Variants in FAT3 observed in about 807,000 individuals in gnomAD.
FAT3 encodes the protein FAT atypical cadherin 3.
Under a neutral mutation model 310.2 loss-of-function variants are expected in FAT3, and 95 were observed. The ratio of observed to expected loss-of-function variants is 0.31; its 90% CI spans 0.26 to 0.36. The LOEUF (loss-of-function observed/expected upper bound fraction) is 0.36, where lower values mean the gene tolerates loss of function less well. FAT3 is among the 10% of genes least tolerant of loss of function. FAT3 has a pLI of 1.00. For missense variants in FAT3, 5,408 were observed against 5,715.6 expected (o/e 0.95, Z 1.74); for synonymous variants, 2,314 against 2,192.9 (o/e 1.06, Z -1.54).
intron 21 of FAT3, among the ~76,000 whole-genome samples, chr11:92,861,869 A>G (rs1467427001): frequency 6.6e-6 from 1 of 152,240 alleles, no homozygotes; most frequent in African/African-American, 2.4e-5. Context: ...ATATTTTCCC[A>G]GTCAGAGCAC....
At chr11:92,879,552 A>C (rs1487962828) in intron 22 of FAT3, among the ~76,000 whole-genome samples, 1 of 152,242 alleles carries the variant, frequency 6.6e-6, no homozygotes, top group Non-Finnish European at 1.5e-5. Context: ...CCAGTTATGC[A>C]TGAATATAAA....
At position 92,800,796 on chromosome 11, in the gene FAT3, G is replaced by C. The variant is rs1377448576; in HGVS notation, c.7783G>C (p.Asp2595His). The C allele has an allele frequency of 6.2e-7, 1 of 1,613,756 alleles. No homozygotes were observed. The highest frequency in any genetic ancestry group is 8.5e-7 in the Non-Finnish European group (1 of 1,179,860). The change falls in exon 10 of 28, where the codon GAC becomes CAC. Residue 2595 changes from aspartate to histidine, a missense_variant. By Grantham distance (81) the Asp-to-His change is moderately conservative (BLOSUM62 -1). Around this residue, in one of 5 missense-constraint regions of FAT3, gnomAD observed 4,588 missense variants for 4,809.8 expected, o/e 0.95. Coordinates refer to ENST00000525166, the MANE Select transcript of FAT3 (RefSeq NM_001367949.2). The part of the protein sequence containing the change: ...TVRVIVVDEN[D>H]NAPQFMTVEY... Reference sequence around the variant, plus strand: ...GAGAGTGATTGTTGTGGATGAAAATGACAATGCTCCCCAGTTCATGACAGT... The same window carrying C: ...GAGAGTGATTGTTGTGGATGAAAATCACAATGCTCCCCAGTTCATGACAGT...
At chr11:92,430,516 T>A (rs1400865566) in intron 2 of FAT3, among the ~76,000 whole-genome samples, 1 of 152,142 alleles carries the variant, frequency 6.6e-6, no homozygotes, top group Admixed American at 6.6e-5. Flanking sequence ...ATGGGGTTTT[T>A]TTTTAATATA....
At chr11:92,648,910 G>T (rs2135751042) in intron 3 of FAT3, among the ~76,000 whole-genome samples, 1 of 152,236 alleles carries the variant, frequency 6.6e-6, no homozygotes, top group East Asian at 1.9e-4. Context: ...AGTATCTCTG[G>T]ATTACTTCCT....
At chr11:92,364,488 C>T (rs11019925) in intron 2 of FAT3, among the ~76,000 whole-genome samples, 11,787 of 152,068 alleles carry the variant, frequency 0.078, 645 homozygotes, top group African/African-American at 0.15. Flanking sequence ...GTTTTGTACG[C>T]GCATTGAAAG....
chr11:92,580,020 A>C (rs1188312646), intron 3 of FAT3, among the ~76,000 whole-genome samples: 1 of 152,148 alleles, frequency 6.6e-6, no homozygotes, highest in Admixed American at 6.6e-5. Context: ...TTCAGGGTAC[A>C]TTATATGCTC....
At chr11:92,418,841 A>G (rs1232308547) in intron 2 of FAT3, among the ~76,000 whole-genome samples, 1 of 152,132 alleles carries the variant, frequency 6.6e-6, no homozygotes, top group African/African-American at 2.4e-5. Flanking sequence ...TGCTGTTGGT[A>G]AATAACAAAG....
chr11:92,614,326 C>G (rs1940703374), intron 3 of FAT3, among the ~76,000 whole-genome samples: 1 of 152,194 alleles, frequency 6.6e-6, no homozygotes, highest in East Asian at 1.9e-4. Flanking sequence ...AACTGCCAGA[C>G]TATTTTGCAA....
chr11:92,240,619 A>G (rs1864637311), intron 1 of FAT3, among the ~76,000 whole-genome samples: 1 of 151,494 alleles, frequency 6.6e-6, no homozygotes, highest in Admixed American at 6.6e-5. Flanking sequence ...ACTGTAATTG[A>G]AGGTTTTTGC....
chr11:92,666,803 C>A (rs1330356747), intron 3 of FAT3, among the ~76,000 whole-genome samples: 1 of 152,044 alleles, frequency 6.6e-6, no homozygotes, highest in Admixed American at 6.6e-5. Context: ...GCCATATTGC[C>A]GCAAGACAGT....
At chr11:92,804,751 C>A (rs1482013429) in intron 10 of FAT3, among the ~76,000 whole-genome samples, 1 of 152,162 alleles carries the variant, frequency 6.6e-6, no homozygotes, top group East Asian at 1.9e-4. Context: ...ACTGCATAAT[C>A]AACGGCTAAT....
chr11:92,372,636 T>G (rs907330625), intron 2 of FAT3, among the ~76,000 whole-genome samples: 9 of 150,708 alleles, frequency 6.0e-5, no homozygotes, highest in African/African-American at 2.2e-4. Flanking sequence ...AGCAGCACTT[T>G]GCGTTCTTTG....
intron 22 of FAT3, among the ~76,000 whole-genome samples, chr11:92,872,716 G>A (rs1371316677): frequency 6.6e-6 from 1 of 152,112 alleles, no homozygotes; most frequent in Admixed American, 6.5e-5. Flanking sequence ...TAGAGGCTTG[G>A]CCCAATATAC....
chr11:92,226,713 G>A (rs1403186149), intron 1 of FAT3, among the ~76,000 whole-genome samples: 3 of 152,074 alleles, frequency 2.0e-5, no homozygotes, highest in African/African-American at 4.8e-5. Flanking sequence ...GTGGGCGGCC[G>A]GTGGCTCTGG....
rs149837567 is a variant in FAT3, at chr11:92,763,475, C to T, written c.3984+1305C>T. Among the ~76,000 whole-genome samples the T allele has an allele frequency of 5.3e-5, 8 of 152,200 alleles. No individual in the cohort carries two copies. In the East Asian group the frequency reaches 1.6e-3, roughly 30 times the overall value. The stretch of plus-strand genomic sequence containing the variant: ...CAAGTGGATACTGTTGGTGTCCTGC[C>T]CCAATCCCATTCTCAGACTGCAAGT... On this transcript the variant is annotated intron_variant, in intron 5 of 27. Coordinates refer to ENST00000525166, the MANE Select transcript of FAT3 (RefSeq NM_001367949.2).
intron 2 of FAT3, among the ~76,000 whole-genome samples, chr11:92,426,973 G>T (rs1295431028): frequency 6.6e-6 from 1 of 152,138 alleles, no homozygotes; most frequent in East Asian, 1.9e-4. Flanking sequence ...GGGTAGTATG[G>T]CCATTTTCAC....
At chr11:92,594,036 A>T (rs1481760646) in intron 3 of FAT3, among the ~76,000 whole-genome samples, 1 of 152,124 alleles carries the variant, frequency 6.6e-6, no homozygotes, top group East Asian at 1.9e-4. Flanking sequence ...GTAAACAGGG[A>T]CATGTGTCAT....
chr11:92,882,968 T>A lies in FAT3; in HGVS notation c.12512T>A (p.Leu4171His), dbSNP rs756982143. ...TTCGTCATCTTCATCCTGGTGGTTC[T>A]CTTCATAGTCTTCCGCAAGAAGGTC... The part of the protein sequence containing the change: ...VLFVIFILVV[L>H]FIVFRKKVFR... Residue 4171 changes from leucine to histidine, a missense_variant, in exon 24 of 28, where the codon CTC (leucine) becomes CAC (histidine). Physicochemically the swap from Leu to His is moderately conservative, Grantham distance 99. Coordinates refer to ENST00000525166, the MANE Select transcript of FAT3 (RefSeq NM_001367949.2). 2 of 1,613,908 alleles carry A rather than the reference T, an allele frequency of 1.2e-6. No homozygotes were observed. Among genetic ancestry groups the A allele is most frequent in the Non-Finnish European group, 1.7e-6 (2 of 1,179,858 alleles).
At chr11:92,789,245 G>A (rs1344487562) in intron 7 of FAT3, among the ~76,000 whole-genome samples, 1 of 152,154 alleles carries the variant, frequency 6.6e-6, no homozygotes, top group Non-Finnish European at 1.5e-5. Flanking sequence ...AGGGATGAGT[G>A]GGAGTTTGAT....
Sources: gnomAD v4.1 joint callset for allele counts (sites outside exome capture counted in the v4.1 genomes callset) on GRCh38, gnomAD v4.1.1 for gene constraint, gnomAD v4.1.1 regional missense constraint, MANE v1.5 for transcripts, NCBI Gene and HGNC (gene_info 2026-07-23, HGNC 2026-07-21) for gene names.